Variants in TACC2 observed in about 807,000 individuals in gnomAD.
TACC2 encodes the protein transforming acidic coiled-coil containing protein 2, also known as transforming acidic coiled-coil-containing protein 2.
A neutral mutation model predicts 227.3 loss-of-function variants in TACC2; 137 were observed. The observed-to-expected ratio is 0.60, with a 90% CI of 0.52 to 0.69. The LOEUF (loss-of-function observed/expected upper bound fraction) is 0.69. Ranked by LOEUF, TACC2 falls within the 30% of genes least tolerant of loss-of-function variation. The probability of loss-of-function intolerance (pLI) is 0.00; values close to 1 mark genes in which losing one functional copy is unlikely to be tolerated. For missense variants in TACC2, 3,470 were observed against 3,694.4 expected, an observed-to-expected ratio of 0.94 and a Z score of 1.57; for synonymous variants, 1,523 against 1,487.5, an observed-to-expected ratio of 1.02 and a Z score of -0.55.
intron 7 of TACC2, among the ~76,000 whole-genome samples, chr10:122,154,868 C>T (rs926874910): frequency 1.6e-4 from 25 of 152,214 alleles, no homozygotes; most frequent in African/African-American, 2.2e-4. Context: ...TAGATGCTCA[C>T]GGATGCTATT....
In TACC2 at chr10:122,248,788, A is replaced by G. The variant is rs1396657872; in HGVS notation, c.8538A>G (p.Leu2846=). 1 of 1,614,158 alleles carries G rather than the reference A, an allele frequency of 6.2e-7. No homozygotes were observed. Residue 2846 remains leucine, a synonymous_variant, in exon 20 of 23, where the codon CTA becomes CTG. Transcript: ENST00000369005. The part of the protein sequence containing the change: ...FRRYEKMKEV[L]EGFRKNEEVL... ...GATATGAGAAGATGAAGGAGGTCCT[A>G]GAAGGCTTCCGCAAGGTAGGGCTGA...
At chr10:122,028,748 CT>C (rs1958432030) in intron 2 of TACC2, among the ~76,000 whole-genome samples, 1 of 126,462 alleles carries the variant, frequency 7.9e-6, no homozygotes, top group Admixed American at 8.1e-5. Context: ...CTCCCCTCTC[CT>C]CCCTTCCCCT....
At chr10:122,017,880 T>C (rs1956872916) in intron 1 of TACC2, among the ~76,000 whole-genome samples, 1 of 149,702 alleles carries the variant, frequency 6.7e-6, no homozygotes, top group Non-Finnish European at 1.5e-5. Context: ...CTTCTGTGGT[T>C]TTTTTGAGGG....
chr10:122,225,093 G>T (rs567010116), intron 12 of TACC2, among the ~76,000 whole-genome samples: 12 of 151,442 alleles, frequency 7.9e-5, no homozygotes, highest in Non-Finnish European at 1.8e-4. Flanking sequence ...GGTGGTGATG[G>T]TTTTTCAGGT....
chr10:122,239,839 G>A (rs1477153180), intron 18 of TACC2, among the ~76,000 whole-genome samples: 1 of 152,202 alleles, frequency 6.6e-6, no homozygotes, highest in Non-Finnish European at 1.5e-5. Flanking sequence ...AGCCTCTGGA[G>A]CTAGACTAGG....
intron 3 of TACC2, among the ~76,000 whole-genome samples, chr10:122,054,452 C>G (rs2076022981): frequency 6.6e-6 from 1 of 152,226 alleles, no homozygotes; most frequent in South Asian, 2.1e-4. Context: ...CTGGTCCGCC[C>G]TTCTTGGATA....
chr10:122,077,303 G>C (rs748230909), intron 3 of TACC2, among the ~76,000 whole-genome samples: 1 of 151,988 alleles, frequency 6.6e-6, no homozygotes, highest in Non-Finnish European at 1.5e-5. Context: ...TATATGCCAG[G>C]CACCAGGGAT....
rs57782127 is a variant in TACC2, at chr10:122,229,100, G to A, written c.7897-246G>A. On this transcript the variant is annotated intron_variant, in intron 14 of 22. Transcript: ENST00000369005. ...TGACCAGGGAGTGAGGGTGGCGTGG[G>A]GGTGGGAGGACACTGAAGGCTATGC... 2.7e-3 allele frequency among the ~76,000 whole-genome samples: 410 copies of A among 152,168 alleles called. 2 individuals are homozygous for A. The highest frequency in any genetic ancestry group is 9.5e-3 in the African/African-American group (393 of 41,514).
At chr10:122,074,165 C>CG (rs1474203252) in intron 3 of TACC2, among the ~76,000 whole-genome samples, 1 of 150,322 alleles carries the variant, frequency 6.7e-6, no homozygotes, top group East Asian at 2.0e-4. Flanking sequence ...ACAGCAACCT[C>CG]TGCCTCCCAA....
intron 5 of TACC2, among the ~76,000 whole-genome samples, chr10:122,132,258 G>C (rs11200423): frequency 0.035 from 5,295 of 151,938 alleles, 150 homozygotes; most frequent in East Asian, 0.12. Flanking sequence ...TTGAAAACTT[G>C]TAGGAGGCCA....
chr10:122,250,865 C>T (rs2141959158), intron 22 of TACC2, among the ~76,000 whole-genome samples: 1 of 150,276 alleles, frequency 6.7e-6, no homozygotes, highest in South Asian at 2.1e-4. Flanking sequence ...ATTGGATGTT[C>T]CTGGTTATCC....
intron 20 of TACC2, 79 bp downstream of exon 20, chr10:122,248,882 T>C: frequency 6.3e-7 from 1 of 1,588,106 alleles, no homozygotes; most frequent in Non-Finnish European, 8.6e-7. Context: ...GGGGTAGGAT[T>C]CCAGAAGTTG....
intron 1 of TACC2, among the ~76,000 whole-genome samples, chr10:122,006,451 AAAAT>A (rs147969943): frequency 0.25 from 37,584 of 149,308 alleles, 5,208 homozygotes; most frequent in East Asian, 0.42. Context: ...TCAGTCTCAA[AAAAT>A]AAATAAATAA....
At position 122,205,909 on chromosome 10, in the gene TACC2, A is replaced by G. The variant is rs973501045; in HGVS notation, c.5972-4488A>G. ...ACTTAAAATGGACACCTTTTCCCAGAATAAATATTACTAACTGAAGATTAC... is the reference window on the plus strand; with the variant it reads ...ACTTAAAATGGACACCTTTTCCCAGGATAAATATTACTAACTGAAGATTAC... On this transcript the variant is annotated intron_variant, in intron 8 of 22. Transcript: ENST00000369005. This position sits in a 1 kb window ranked among gnomAD's most constrained non-coding sequence, Gnocchi z 4.5. 2.0e-5 allele frequency among the ~76,000 whole-genome samples: 3 copies of G among 152,258 alleles called. No homozygotes were observed. The highest frequency in any genetic ancestry group is 7.2e-5 in the African/African-American group (3 of 41,470).
chr10:122,196,034 G>A (rs965341652), intron 8 of TACC2, among the ~76,000 whole-genome samples: 3 of 152,178 alleles, frequency 2.0e-5, no homozygotes, highest in South Asian at 2.1e-4. Flanking sequence ...ACCTGGGAGC[G>A]GCCACTGCCA....
intron 7 of TACC2, among the ~76,000 whole-genome samples, chr10:122,171,968 T>C (rs755123610): frequency 6.6e-6 from 1 of 152,230 alleles, no homozygotes; most frequent in Non-Finnish European, 1.5e-5. Flanking sequence ...GGTGGGTGTT[T>C]ACTGTGTTCA....
intron 7 of TACC2, among the ~76,000 whole-genome samples, chr10:122,193,129 A>T (rs2094464438): frequency 6.6e-6 from 1 of 152,182 alleles, no homozygotes; most frequent in African/African-American, 2.4e-5. Flanking sequence ...TTTCCTCATG[A>T]AATTTAATAG....
intron 6 of TACC2, 72 bp from the exon 7 acceptor site, chr10:122,143,500 G>T (rs2090952566): frequency 1.3e-6 from 2 of 1,540,780 alleles, no homozygotes; most frequent in East Asian, 4.5e-5. Context: ...TGGGTGGGGT[G>T]AATGGGGCCT....
chr10:122,116,555 G>A (rs1238792483), intron 5 of TACC2, among the ~76,000 whole-genome samples: 2 of 152,168 alleles, frequency 1.3e-5, no homozygotes, highest in South Asian at 2.1e-4. Flanking sequence ...TGGTGGGGCC[G>A]CTTATCCCTG....
Sources: gnomAD v4.1 joint callset for allele counts (sites outside exome capture counted in the v4.1 genomes callset) on GRCh38, gnomAD v4.1.1 for gene constraint, Gnocchi (gnomAD v3.1) non-coding constraint, MANE v1.5 for transcripts, NCBI Gene and HGNC (gene_info 2026-07-23, HGNC 2026-07-21) for gene names.